LAMA2: variants seen among roughly 807,000 people sequenced by gnomAD.
LAMA2 encodes laminin subunit alpha-2.
In LAMA2, 269 loss-of-function variants were observed where a neutral mutation model predicts 364.8. That is an observed-to-expected ratio of 0.74 (90% CI 0.67 to 0.82). The LOEUF (loss-of-function observed/expected upper bound fraction) is 0.82. LAMA2 is among the 40% of genes least tolerant of loss of function. The pLI is 0.00. For missense variants in LAMA2, 3,807 were observed against 3,873.2 expected, an observed-to-expected ratio of 0.98 and a Z score of 0.45; for synonymous variants, 1,379 against 1,370.6, an observed-to-expected ratio of 1.01 and a Z score of -0.14.
At chr6:129,401,176 G>A (rs1022866327) in intron 37 of LAMA2, 48 bp from the exon 38 acceptor site, 3 of 1,169,610 alleles carry the variant, frequency 2.6e-6, no homozygotes, top group African/African-American at 3.1e-5. Flanking sequence ...CAAGGGGTAG[G>A]ATTTTATGAA....
chr6:129,280,282 G>A lies in LAMA2; in HGVS notation c.2537+135G>A, dbSNP rs571065835. 188 of 689,368 alleles carry A rather than the reference G, an allele frequency of 2.7e-4. 2 individuals carry two copies. Among genetic ancestry groups the A allele is most frequent in the South Asian group, 2.3e-3 (146 of 63,122 alleles). 42.7% of individuals were successfully genotyped at this position (689,368 alleles called of 1,614,324 possible). A position where few individuals can be genotyped will look rare whatever the true frequency, so the allele number is the denominator to read the frequency against. On this transcript the variant is annotated intron_variant, in intron 18 of 64. Coordinates refer to ENST00000421865, the MANE Select transcript of LAMA2 (RefSeq NM_000426.4). Reference sequence around the variant, plus strand: ...ATGAGGTGAAATAAAGTTTCTCAACGCACTTGTCAAACAAATGCATTATAT... The same window carrying A: ...ATGAGGTGAAATAAAGTTTCTCAACACACTTGTCAAACAAATGCATTATAT...
chr6:129,497,934 A>T (rs894932284), intron 58 of LAMA2, among the ~76,000 whole-genome samples: 3 of 152,204 alleles, frequency 2.0e-5, no homozygotes, highest in Non-Finnish European at 4.4e-5. Flanking sequence ...AGCTAGAGAA[A>T]ACATTTCTAC....
chr6:128,975,094 C>T (rs1483862682), intron 1 of LAMA2, among the ~76,000 whole-genome samples: 3 of 152,148 alleles, frequency 2.0e-5, no homozygotes, highest in Admixed American at 6.5e-5. Context: ...CCTCGTGATC[C>T]GCCTGCCTCT....
intron 28 of LAMA2, among the ~76,000 whole-genome samples, chr6:129,323,129 A>G (rs1420796268): frequency 6.6e-6 from 1 of 152,166 alleles, no homozygotes; most frequent in East Asian, 1.9e-4. Flanking sequence ...CCTCTAATCC[A>G]TTATACCTCT....
intron 12 of LAMA2, among the ~76,000 whole-genome samples, chr6:129,216,042 T>C (rs1783403622): frequency 6.6e-6 from 1 of 152,136 alleles, no homozygotes; most frequent in Non-Finnish European, 1.5e-5. Context: ...TGCCTTACTG[T>C]GCAAGGCAAA....
chr6:129,017,329 A>G (rs1412356073), intron 1 of LAMA2, among the ~76,000 whole-genome samples: 1 of 152,008 alleles, frequency 6.6e-6, no homozygotes, highest in Non-Finnish European at 1.5e-5. Context: ...TGTTACTGAT[A>G]TGGCCTCCTA....
intron 18 of LAMA2, among the ~76,000 whole-genome samples, chr6:129,282,152 A>G (rs1385675416): frequency 2.0e-5 from 3 of 152,200 alleles, no homozygotes; most frequent in Non-Finnish European, 4.4e-5. Flanking sequence ...TCCTGGAATA[A>G]AGAATTCTGT....
intron 3 of LAMA2, among the ~76,000 whole-genome samples, chr6:129,072,855 T>C (rs1773406558): frequency 6.6e-6 from 1 of 152,144 alleles, no homozygotes; most frequent in Non-Finnish European, 1.5e-5. Flanking sequence ...TTTAATTCTA[T>C]GTATATATTA....
At chr6:129,260,930 T>G in intron 15 of LAMA2, 108 bp downstream of exon 15, 1 of 745,724 alleles carries the variant, frequency 1.3e-6, no homozygotes. Flanking sequence ...ATTACACAAA[T>G]AATGTGTATC....
At chr6:129,227,430 C>A (rs992910666) in intron 12 of LAMA2, among the ~76,000 whole-genome samples, 11 of 152,154 alleles carry the variant, frequency 7.2e-5, no homozygotes, top group African/African-American at 2.7e-4. Flanking sequence ...TTTTCAGCTT[C>A]TCTGCTCTGT....
chr6:129,349,485 T>C, intron 31 of LAMA2, 101 bp downstream of exon 31: 1 of 941,600 alleles, frequency 1.1e-6, no homozygotes, highest in East Asian at 2.4e-5. Context: ...CTTCAATATT[T>C]GCATATCCTT....
chr6:129,217,057 C>T (rs1195485068), intron 12 of LAMA2, among the ~76,000 whole-genome samples: 2 of 151,926 alleles, frequency 1.3e-5, no homozygotes, highest in African/African-American at 4.8e-5. Flanking sequence ...GGTATGGTGG[C>T]GTGTGCCTGT....
chr6:129,395,237 C>T (rs1252528727), intron 37 of LAMA2, among the ~76,000 whole-genome samples: 1 of 152,164 alleles, frequency 6.6e-6, no homozygotes, highest in Non-Finnish European at 1.5e-5. Context: ...GAATAATAAG[C>T]TGCATTTTAA....
rs984149831 is a variant in LAMA2 at position 129,121,405 on chromosome 6, A to C, written c.640-22496A>C. Among the ~76,000 whole-genome samples the C allele has an allele frequency of 6.6e-5, 10 of 152,214 alleles. No homozygotes were observed. The South Asian group carries it at 1.9e-3, about 28-fold the overall frequency. On this transcript the variant is annotated intron_variant, in intron 4 of 64. Coordinates refer to ENST00000421865, the MANE Select transcript of LAMA2 (RefSeq NM_000426.4). ...TGCTGTTGTTTACCATTGCATTTTT[A>C]TTTAACTTGAATATTTTAATTTAGC...
At chr6:128,993,930 C>T (rs559080073) in intron 1 of LAMA2, among the ~76,000 whole-genome samples, 1 of 152,214 alleles carries the variant, frequency 6.6e-6, no homozygotes, top group East Asian at 1.9e-4. Context: ...TGTTAAAGAA[C>T]TGGTAGCATA....
At position 129,277,121 on chromosome 6, in the gene LAMA2, TTG is replaced by T. The variant is rs571261672; in HGVS notation, c.2451-2936_2451-2935del. Among the ~76,000 whole-genome samples the T allele has an allele frequency of 1.6e-3, 249 of 152,308 alleles. 1 individual carries two copies. The highest frequency in any genetic ancestry group is 5.7e-3 in the African/African-American group (236 of 41,578). On this transcript the variant is annotated intron_variant, in intron 17 of 64. Transcript: ENST00000421865. ...AAAATGCCCGCTGCTCTTGGCTTTC[TTG>T]TGTTTCCTGTGGCGTGGTTTGGATA...
chr6:128,929,271 C>T (rs1779294435), intron 1 of LAMA2: 5 of 1,358,280 alleles, frequency 3.7e-6, no homozygotes, highest in Non-Finnish European at 5.3e-6. Context: ...GCTAAGTTCC[C>T]GTCATTGATG....
At chr6:129,472,926 A>G (rs1783883733) in intron 51 of LAMA2, among the ~76,000 whole-genome samples, 1 of 152,002 alleles carries the variant, frequency 6.6e-6, no homozygotes, top group African/African-American at 2.4e-5. Flanking sequence ...ATAGAAAACT[A>G]CATCAAATGG....
intron 32 of LAMA2, among the ~76,000 whole-genome samples, chr6:129,356,400 C>T (rs1777155532): frequency 6.6e-6 from 1 of 152,062 alleles, no homozygotes. Context: ...TATTTAAAGG[C>T]TCACCTTGAC....
Sources: gnomAD v4.1 joint callset for allele counts (sites outside exome capture counted in the v4.1 genomes callset) on GRCh38, gnomAD v4.1.1 for gene constraint, MANE v1.5 for transcripts, NCBI Gene and HGNC (gene_info 2026-07-23, HGNC 2026-07-21) for gene names.